Variants in MARCHF3 observed in about 807,000 individuals in gnomAD.
MARCHF3 encodes the protein E3 ubiquitin-protein ligase MARCHF3.
A neutral mutation model predicts 24.2 loss-of-function variants in MARCHF3; 13 were observed. The ratio of observed to expected loss-of-function variants is 0.54; its 90% CI spans 0.35 to 0.85. MARCHF3 has a LOEUF of 0.85. MARCHF3 is among the 40% of genes least tolerant of loss of function. The pLI is 0.01. For missense variants in MARCHF3, 276 were observed against 325.0 expected (o/e 0.85, Z 1.16); for synonymous variants, 144 against 137.3 (o/e 1.05, Z -0.34).
chr5:127,010,349 T>C (rs1752435708), intron 1 of MARCHF3, among the ~76,000 whole-genome samples: 1 of 152,184 alleles, frequency 6.6e-6, no homozygotes, highest in Admixed American at 6.5e-5. Flanking sequence ...AAGTATTTTG[T>C]ACACTCCTGG....
chr5:126,987,445 G>A (rs1751604631), intron 1 of MARCHF3, among the ~76,000 whole-genome samples: 2 of 152,216 alleles, frequency 1.3e-5, no homozygotes, highest in African/African-American at 4.8e-5. Flanking sequence ...ACTCAAGACT[G>A]CAACATCAAC....
chr5:126,887,624 G>A (rs968528012), intron 3 of MARCHF3, among the ~76,000 whole-genome samples: 1 of 152,138 alleles, frequency 6.6e-6, no homozygotes, highest in South Asian at 2.1e-4. Flanking sequence ...ATTGCCAAAG[G>A]GTCCAGAAAA....
intron 1 of MARCHF3, among the ~76,000 whole-genome samples, chr5:127,029,333 C>A (rs1218915181): frequency 2.6e-5 from 4 of 152,156 alleles, no homozygotes; most frequent in Non-Finnish European, 4.4e-5. Flanking sequence ...GTCTAAACAT[C>A]CCCAAATTCT....
In MARCHF3 at chr5:126,954,524, C is replaced by A. The variant is rs139791209; in HGVS notation, c.-56-36297G>T. Among the ~76,000 whole-genome samples, 605 of 151,890 alleles carry A rather than the reference C, an allele frequency of 4.0e-3. 5 individuals are homozygous for A. Among genetic ancestry groups the A allele is most frequent in the African/African-American group, 0.014 (572 of 41,436 alleles). On this transcript the variant is annotated intron_variant, in intron 1 of 4. Transcript: ENST00000308660. ...TAGGTAGGACTGCAGGTATGTGCCA[C>A]CATGCCCAGCTAATTTTTAAATTTT...
At chr5:126,891,163 A>G (rs1753674766) in intron 3 of MARCHF3, among the ~76,000 whole-genome samples, 1 of 149,820 alleles carries the variant, frequency 6.7e-6, no homozygotes, top group South Asian at 2.1e-4. Flanking sequence ...AATTTGTTTG[A>G]GTTCATTGTA....
intron 1 of MARCHF3, among the ~76,000 whole-genome samples, chr5:126,936,179 A>G (rs923172019): frequency 2.6e-5 from 4 of 152,110 alleles, no homozygotes; most frequent in Admixed American, 1.3e-4. Context: ...TGTATCAATA[A>G]CCTTAAGATG....
chr5:126,963,147 T>C (rs2126823854), intron 1 of MARCHF3, among the ~76,000 whole-genome samples: 1 of 152,302 alleles, frequency 6.6e-6, no homozygotes, highest in African/African-American at 2.4e-5. Flanking sequence ...CAATAGAGTT[T>C]TTCTATTATT....
intron 1 of MARCHF3, among the ~76,000 whole-genome samples, chr5:127,011,780 G>T (rs542296378): frequency 2.6e-5 from 4 of 152,268 alleles, no homozygotes; most frequent in Admixed American, 6.5e-5. Context: ...TGAATCTACA[G>T]CTATGACTGT....
At chr5:127,016,443 G>A (rs1472424914) in intron 1 of MARCHF3, among the ~76,000 whole-genome samples, 2 of 152,050 alleles carry the variant, frequency 1.3e-5, no homozygotes, top group Non-Finnish European at 2.9e-5. Context: ...TCAAAAAGTG[G>A]GCAAAGGATA....
At chr5:126,978,009 T>C (rs1450241333) in intron 1 of MARCHF3, among the ~76,000 whole-genome samples, 2 of 152,206 alleles carry the variant, frequency 1.3e-5, no homozygotes, top group African/African-American at 4.8e-5. Context: ...TTCTCTGAAT[T>C]AGCACAAGTA....
intron 3 of MARCHF3, among the ~76,000 whole-genome samples, chr5:126,902,915 T>C (rs1177507600): frequency 6.6e-6 from 1 of 152,054 alleles, no homozygotes; most frequent in Non-Finnish European, 1.5e-5. Context: ...GATGGTCTGC[T>C]CAGCGACCTT....
intron 4 of MARCHF3, among the ~76,000 whole-genome samples, chr5:126,877,809 C>T (rs146045895): frequency 9.4e-4 from 143 of 152,228 alleles, no homozygotes; most frequent in African/African-American, 3.4e-3. Flanking sequence ...CCAAATGCAT[C>T]ATTCATAATA....
chr5:126,967,814 G>A (rs1045080632), intron 1 of MARCHF3, among the ~76,000 whole-genome samples: 2 of 152,130 alleles, frequency 1.3e-5, no homozygotes, highest in Non-Finnish European at 2.9e-5. Context: ...TTTAAAAATT[G>A]AGATATAATT....
intron 1 of MARCHF3, among the ~76,000 whole-genome samples, chr5:126,992,269 C>T (rs761513458): frequency 6.6e-5 from 10 of 152,116 alleles, no homozygotes; most frequent in Non-Finnish European, 1.5e-4. Context: ...TCATTCTGTC[C>T]AAACTGACAT....
rs574413597 is a variant in MARCHF3, at chr5:126,947,798, T to C, written c.-56-29571A>G. ...CCTACCTCACCCTGGCCAATCTTTT[T>C]CTTGGTGCAGGATGTCATATGATCA... On this transcript the variant is annotated intron_variant, in intron 1 of 4. Coordinates refer to ENST00000308660, the MANE Select transcript of MARCHF3 (RefSeq NM_178450.5). 3.3e-5 allele frequency among the ~76,000 whole-genome samples: 5 copies of C among 152,088 alleles called. No homozygotes were observed. In the South Asian group the frequency reaches 1.0e-3, roughly 32 times the overall value.
At chr5:126,918,279 G>T in intron 1 of MARCHF3, 52 bp from the exon 2 acceptor site, 1 of 1,129,822 alleles carries the variant, frequency 8.9e-7, no homozygotes, top group Non-Finnish European at 1.2e-6. Flanking sequence ...AATAGAAAAT[G>T]GAGAATTATG....
intron 3 of MARCHF3, among the ~76,000 whole-genome samples, chr5:126,907,491 T>C (rs1754343356): frequency 6.6e-6 from 1 of 151,624 alleles, no homozygotes; most frequent in Admixed American, 6.6e-5. Context: ...GCTTTATGAA[T>C]CTGGGTGCTC....
intron 1 of MARCHF3, among the ~76,000 whole-genome samples, chr5:126,993,042 G>C (rs1751825377): frequency 6.6e-6 from 1 of 152,136 alleles, no homozygotes; most frequent in Non-Finnish European, 1.5e-5. Flanking sequence ...AAATTGCTGG[G>C]ATTACAGGCG....
chr5:126,925,218 T>C (rs1749251763), intron 1 of MARCHF3, among the ~76,000 whole-genome samples: 1 of 151,982 alleles, frequency 6.6e-6, no homozygotes, highest in South Asian at 2.1e-4. Flanking sequence ...GCCCCAGTGA[T>C]GAGTTAGAGG....
Sources: gnomAD v4.1 joint callset for allele counts (sites outside exome capture counted in the v4.1 genomes callset) on GRCh38, gnomAD v4.1.1 for gene constraint, MANE v1.5 for transcripts, NCBI Gene and HGNC (gene_info 2026-07-23, HGNC 2026-07-21) for gene names.